The following UGT1A10 variants were observed in gnomAD, a reference collection of about 807,000 sequenced individuals.
The protein encoded by UGT1A10 is UDP-glucuronosyltransferase 1A10.
UGT1A10 carries 49 observed loss-of-function variants against 45.8 expected under a neutral mutation model. That is an observed-to-expected ratio of 1.07 (90% CI 0.85 to 1.36). UGT1A10 has a LOEUF of 1.36. Among genes scored for constraint, UGT1A10 ranks in the 40% most tolerant of loss-of-function variants. The pLI, the probability that UGT1A10 is intolerant of heterozygous loss-of-function variation, is 0.00. For missense variants in UGT1A10, 745 were observed against 668.6 expected, an observed-to-expected ratio of 1.11 and a Z score of -1.26; for synonymous variants, 284 against 249.7, an observed-to-expected ratio of 1.14 and a Z score of -1.29.
Position 233,747,808 on chromosome 2 carries a change from C to T in UGT1A10, c.856-19226C>T, listed in dbSNP as rs1432471540. On this transcript the variant is annotated intron_variant, in intron 1 of 4. Coordinates refer to ENST00000344644, the MANE Select transcript of UGT1A10 (RefSeq NM_019075.4). ...TCCTCCTATATTCCTAAGTTACTAA[C>T]GACCAATTCAGACCACATGACATTC... 6.0e-5 allele frequency: 96 copies of T among 1,613,386 alleles called. No individual in the cohort carries two copies. In the South Asian group the frequency reaches 8.3e-4, roughly 14 times the overall value.
At chr2:233,753,385 T>G (rs1695193775) in intron 1 of UGT1A10, 2 of 152,290 alleles carry the variant, frequency 1.3e-5, no homozygotes, top group South Asian at 4.1e-4. Flanking sequence ...GATTGGACTC[T>G]GAGGGTACTA....
intron 1 of UGT1A10, among the ~76,000 whole-genome samples, chr2:233,661,623 T>TTTTCTTTCTGTCTTTCTTTCTTTC (rs1553602619): frequency 3.2e-5 from 4 of 123,952 alleles, no homozygotes; most frequent in African/African-American, 1.3e-4. Flanking sequence ...ACTTACTGAA[T>TTTTCTTTCTGTCTTTCTTTCTTTC]TTTCTTTCTT....
chr2:233,703,444 G>A (rs765581131), intron 1 of UGT1A10, among the ~76,000 whole-genome samples: 11 of 151,692 alleles, frequency 7.3e-5, no homozygotes, highest in Non-Finnish European at 1.0e-4. Context: ...TTTCTATGTC[G>A]TTAATTTCCC....
At chr2:233,718,766 A>G in intron 1 of UGT1A10, 1 of 1,612,768 alleles carries the variant, frequency 6.2e-7, no homozygotes, top group Non-Finnish European at 8.5e-7. Context: ...GAAGGAAACA[A>G]ATGTAGCAGG....
intron 1 of UGT1A10, among the ~76,000 whole-genome samples, chr2:233,651,617 T>C (rs1559325465): frequency 1.3e-5 from 2 of 152,194 alleles, no homozygotes. Flanking sequence ...AAAAGTGAAC[T>C]GTCATTGAAA....
Position 233,736,954 on chromosome 2 carries a change from C to T in UGT1A10, c.856-30080C>T, listed in dbSNP as rs1375491683. On this transcript the variant is annotated intron_variant, in intron 1 of 4. Coordinates refer to ENST00000344644, the MANE Select transcript of UGT1A10 (RefSeq NM_019075.4). The stretch of plus-strand genomic sequence containing the variant: ...CCACCTATATGAGGTGTCTGTTGGC[C>T]CCTACTGGGAGGTGTTTCCCAGTCA... Among the ~76,000 whole-genome samples, 8 of 152,168 alleles carry T rather than the reference C, an allele frequency of 5.3e-5. No homozygotes were observed. The East Asian group carries it at 1.3e-3, about 26-fold the overall frequency.
At chr2:233,758,825 C>A (rs929060485) in intron 1 of UGT1A10, among the ~76,000 whole-genome samples, 2 of 152,114 alleles carry the variant, frequency 1.3e-5, no homozygotes, top group Admixed American at 6.5e-5. Flanking sequence ...ATATCCCCCC[C>A]AAAAAGAGTG....
chr2:233,709,107 T>G (rs899292294), intron 1 of UGT1A10, among the ~76,000 whole-genome samples: 1 of 152,146 alleles, frequency 6.6e-6, no homozygotes, highest in Non-Finnish European at 1.5e-5. Context: ...CATGCCCATC[T>G]CTGAACTAAT....
chr2:233,772,087 C>T (rs958943778), intron 4 of UGT1A10, among the ~76,000 whole-genome samples, 175 bp from the exon 5 acceptor site: 4 of 152,100 alleles, frequency 2.6e-5, no homozygotes, highest in African/African-American at 4.8e-5. Flanking sequence ...CACTCCAGCC[C>T]GGGCAACAGG....
chr2:233,639,929 C>T (rs1242831462), intron 1 of UGT1A10, among the ~76,000 whole-genome samples: 1 of 152,204 alleles, frequency 6.6e-6, no homozygotes, highest in Non-Finnish European at 1.5e-5. Flanking sequence ...GGAAGTCACT[C>T]TTAGTCTCTT....
At chr2:233,654,573 A>C (rs1222368904) in intron 1 of UGT1A10, among the ~76,000 whole-genome samples, 1 of 152,262 alleles carries the variant, frequency 6.6e-6, no homozygotes, top group Non-Finnish European at 1.5e-5. Flanking sequence ...TATAACAAAA[A>C]TGAAAAGCTA....
intron 1 of UGT1A10, among the ~76,000 whole-genome samples, chr2:233,751,179 A>G (rs1253259700): frequency 9.9e-5 from 15 of 151,976 alleles, no homozygotes; most frequent in African/African-American, 3.6e-4. Flanking sequence ...GATATGAGAC[A>G]TGAAGTTAAA....
intron 1 of UGT1A10, among the ~76,000 whole-genome samples, chr2:233,670,462 G>C (rs538777395): frequency 2.6e-5 from 4 of 152,236 alleles, no homozygotes; most frequent in African/African-American, 9.6e-5. Context: ...GCCCATTCAT[G>C]GAAGGGTTTG....
Position 233,636,726 on chromosome 2 carries a change from A to G in UGT1A10, c.204A>G (p.Arg68=). ...CAGAGGTGAGTTGGCAACTGGAAAG[A>G]TCACTGAATTGCACAGTGAAGACTT... ...VMPEVSWQLE[R]SLNCTVKTYS... is the part of the protein sequence containing the mutation. The change falls in exon 1 of 5, where the codon AGA becomes AGG. Residue 68 remains arginine (R), a synonymous_variant. Transcript: ENST00000344644. 6.2e-7 allele frequency: 1 copy of G among 1,614,210 alleles called. No homozygotes were observed. Among genetic ancestry groups the G allele is most frequent in the Non-Finnish European group, 8.5e-7 (1 of 1,180,040 alleles).
At chr2:233,737,335 G>C (rs558771820) in intron 1 of UGT1A10, among the ~76,000 whole-genome samples, 1 of 152,354 alleles carries the variant, frequency 6.6e-6, no homozygotes, top group African/African-American at 2.4e-5. Context: ...CAGTGAGCAA[G>C]GCTCCGTGGG....
intron 1 of UGT1A10, chr2:233,753,510 T>G (rs1695226530): frequency 6.6e-6 from 1 of 152,246 alleles, no homozygotes; most frequent in Non-Finnish European, 1.5e-5. Context: ...GCCTGTCTAG[T>G]TGTTGCCCTT....
chr2:233,749,292 A>T (rs1326160420), intron 1 of UGT1A10, among the ~76,000 whole-genome samples: 1 of 151,992 alleles, frequency 6.6e-6, no homozygotes, highest in Admixed American at 6.5e-5. Flanking sequence ...GTAGTTATTC[A>T]ATTATAAAAT....
intron 1 of UGT1A10, among the ~76,000 whole-genome samples, chr2:233,735,435 G>C (rs2078651212): frequency 6.6e-6 from 1 of 152,062 alleles, no homozygotes; most frequent in South Asian, 2.1e-4. Flanking sequence ...CCTGAATACA[G>C]CATACCGATG....
chr2:233,758,550 C>T (rs537826054), intron 1 of UGT1A10, among the ~76,000 whole-genome samples: 173 of 152,196 alleles, frequency 1.1e-3, no homozygotes, highest in African/African-American at 3.9e-3. Flanking sequence ...TTCTGCTTGC[C>T]CAGAATCTTG....
Sources: allele counts gnomAD v4.1 joint callset (sites outside exome capture counted in the v4.1 genomes callset), GRCh38; gene constraint gnomAD v4.1.1; transcripts MANE v1.5; gene names NCBI Gene and HGNC (gene_info 2026-07-23, HGNC 2026-07-21).